Variants in DLGAP2 observed in about 807,000 individuals in gnomAD.
DLGAP2 encodes the protein DLG associated protein 2.
DLGAP2 carries 26 observed loss-of-function variants against 100.3 expected under a neutral mutation model. The ratio of observed to expected loss-of-function variants is 0.26; its 90% CI spans 0.19 to 0.36. The LOEUF (loss-of-function observed/expected upper bound fraction) is 0.36. Ranked by LOEUF, DLGAP2 falls within the 10% of genes least tolerant of loss-of-function variation. The pLI is 1.00. For synonymous variants in DLGAP2, 886 were observed against 630.1 expected (o/e 1.41, Z -6.08); for missense variants, 1,858 against 1,453.2 (o/e 1.28, Z -4.53).
At chr8:1,313,343 C>G (rs774949371) in intron 3 of DLGAP2, among the ~76,000 whole-genome samples, 1 of 152,094 alleles carries the variant, frequency 6.6e-6, no homozygotes, top group Non-Finnish European at 1.5e-5. Context: ...AGAATAAAAA[C>G]AAATTTGTCT....
At chr8:1,584,409 C>G (rs770983151) in intron 6 of DLGAP2, among the ~76,000 whole-genome samples, 3 of 152,184 alleles carry the variant, frequency 2.0e-5, no homozygotes, top group African/African-American at 4.8e-5. Context: ...CACCTGCAAC[C>G]TGCAGTTCTT....
intron 3 of DLGAP2, among the ~76,000 whole-genome samples, chr8:1,312,895 G>A (rs1275274515): frequency 2.0e-5 from 3 of 152,210 alleles, no homozygotes; most frequent in African/African-American, 7.2e-5. Flanking sequence ...TCTGTGCAGG[G>A]AGCACCATGA....
At chr8:763,032 C>A (rs1031394863) in intron 1 of DLGAP2, among the ~76,000 whole-genome samples, 2 of 151,246 alleles carry the variant, frequency 1.3e-5, no homozygotes, top group Non-Finnish European at 2.9e-5. Flanking sequence ...AAGTCACTTG[C>A]AATACTTCAC....
At chr8:1,502,908 G>T (rs554021818) in intron 4 of DLGAP2, among the ~76,000 whole-genome samples, 1 of 152,254 alleles carries the variant, frequency 6.6e-6, no homozygotes, top group African/African-American at 2.4e-5. Flanking sequence ...TTCTGCTTGG[G>T]CTCAGGCACA....
At chr8:1,421,827 G>A (rs757735297) in intron 3 of DLGAP2, among the ~76,000 whole-genome samples, 3 of 152,046 alleles carry the variant, frequency 2.0e-5, no homozygotes, top group Admixed American at 1.3e-4. Flanking sequence ...AGCCAGGTAT[G>A]GTGGCACATG....
chr8:779,544 G>A (rs987927234), intron 1 of DLGAP2, among the ~76,000 whole-genome samples: 5 of 150,528 alleles, frequency 3.3e-5, no homozygotes, highest in Non-Finnish European at 7.4e-5. Flanking sequence ...GTTCACTGCA[G>A]CGTCTGCCTC....
chr8:1,609,071 T>C (rs1796913470), intron 6 of DLGAP2, among the ~76,000 whole-genome samples: 1 of 135,152 alleles, frequency 7.4e-6, no homozygotes, highest in East Asian at 2.9e-4. Context: ...GAAGAGCAAC[T>C]CCAAGACACA....
chr8:994,608 C>T (rs1199676460), intron 2 of DLGAP2, among the ~76,000 whole-genome samples: 4 of 152,104 alleles, frequency 2.6e-5, no homozygotes, highest in Non-Finnish European at 5.9e-5. Flanking sequence ...TCCTAGAACA[C>T]GGTAGGTGGG....
intron 1 of DLGAP2, among the ~76,000 whole-genome samples, chr8:816,946 C>G (rs907787192): frequency 8.5e-5 from 13 of 152,108 alleles, no homozygotes; most frequent in African/African-American, 2.4e-4. Context: ...CGAGACTATC[C>G]TGACTAACAC....
chr8:955,375 G>A (rs548958256), intron 2 of DLGAP2, among the ~76,000 whole-genome samples: 1 of 152,092 alleles, frequency 6.6e-6, no homozygotes, highest in Non-Finnish European at 1.5e-5. Flanking sequence ...GCGTCGCTCT[G>A]TTTCCACCCA....
rs78986618 is a variant in DLGAP2, at chr8:1,348,700, T to C, written c.106+89817T>C. 3.4e-3 allele frequency among the ~76,000 whole-genome samples: 516 copies of C among 152,286 alleles called. 5 individuals are homozygous for C. Among genetic ancestry groups the C allele is most frequent in the Non-Finnish European group, 4.5e-3 (303 of 68,020 alleles). ...TGAGTGCCCAGCAGAGCTGCATTGC[T>C]CTCATGGCCGCTGTGCGGAGGTTGA... On this transcript the variant is annotated intron_variant, in intron 3 of 14. Transcript: ENST00000637795.
At chr8:1,233,481 G>A (rs992706807) in intron 2 of DLGAP2, among the ~76,000 whole-genome samples, 3 of 152,164 alleles carry the variant, frequency 2.0e-5, no homozygotes, top group Non-Finnish European at 2.9e-5. Context: ...GGGGCTAATC[G>A]CAGAGCGCAG....
intron 2 of DLGAP2, among the ~76,000 whole-genome samples, chr8:951,381 A>T (rs1460641718): frequency 6.6e-6 from 1 of 152,132 alleles, no homozygotes; most frequent in African/African-American, 2.4e-5. Context: ...AGTAGCCAGG[A>T]TTACAGGCAC....
At chr8:916,565 G>C (rs1798597812) in intron 2 of DLGAP2, among the ~76,000 whole-genome samples, 2 of 152,138 alleles carry the variant, frequency 1.3e-5, no homozygotes, top group South Asian at 4.1e-4. Flanking sequence ...TAAATGATGA[G>C]TTAATGGGTG....
intron 4 of DLGAP2, among the ~76,000 whole-genome samples, chr8:1,532,261 C>T (rs773598377): frequency 6.6e-6 from 1 of 152,152 alleles, no homozygotes; most frequent in Non-Finnish European, 1.5e-5. Flanking sequence ...CTGGAACGCA[C>T]TCTTTGTGGA....
rs118012950 is a variant in DLGAP2 at position 994,950 on chromosome 8, C to T, written c.73+86984C>T. On this transcript the variant is annotated intron_variant, in intron 2 of 14. Coordinates refer to ENST00000637795, the MANE Select transcript of DLGAP2 (RefSeq NM_001346810.2). ...GACAACGGTGGTACAGTTGGCATCACGGGGGCAGGGCACATATTTAGTACC... is the reference window on the plus strand; with the variant it reads ...GACAACGGTGGTACAGTTGGCATCATGGGGGCAGGGCACATATTTAGTACC... Among the ~76,000 whole-genome samples, 1,093 of 152,170 alleles carry T rather than the reference C, an allele frequency of 7.2e-3. 12 individuals are homozygous for T. The highest frequency in any genetic ancestry group is 0.012 in the Non-Finnish European group (846 of 67,992).
At position 1,141,235 on chromosome 8, in the gene DLGAP2, T is replaced by C. The variant is rs551318403; in HGVS notation, c.74-117616T>C. ...GTGACAGGGAGTGTTCAACTGAGAT[T>C]AGAGAAAGGTGTTCGTTTCAACTGA... is the stretch of plus-strand genomic sequence containing the variant. On this transcript the variant is annotated intron_variant, in intron 2 of 14. Coordinates refer to ENST00000637795, the MANE Select transcript of DLGAP2 (RefSeq NM_001346810.2). Among the ~76,000 whole-genome samples the C allele has an allele frequency of 5.9e-5, 9 of 152,250 alleles. No individual in the cohort carries two copies. In the East Asian group the frequency reaches 1.7e-3, roughly 29 times the overall value.
intron 2 of DLGAP2, among the ~76,000 whole-genome samples, chr8:1,174,591 T>A (rs1797211933): frequency 6.6e-6 from 1 of 151,806 alleles, no homozygotes; most frequent in African/African-American, 2.4e-5. Context: ...ACCATCATTG[T>A]CGTCATCATC....
intron 8 of DLGAP2, among the ~76,000 whole-genome samples, chr8:1,635,838 AG>A (rs1361212426): frequency 6.6e-6 from 1 of 152,218 alleles, no homozygotes; most frequent in Non-Finnish European, 1.5e-5. Context: ...GGACAGGTTG[AG>A]GTTCCCAGAG....
Sources: allele counts gnomAD v4.1 joint callset (sites outside exome capture counted in the v4.1 genomes callset), GRCh38; gene constraint gnomAD v4.1.1; transcripts MANE v1.5; gene names NCBI Gene and HGNC (gene_info 2026-07-23, HGNC 2026-07-21).